The following NCKAP1L variants were observed in gnomAD, a reference collection of about 807,000 sequenced individuals.
NCKAP1L encodes nck-associated protein 1-like.
Under a neutral mutation model 139.2 loss-of-function variants are expected in NCKAP1L, and 53 were observed. The observed-to-expected ratio is 0.38, with a 90% CI of 0.31 to 0.48. The LOEUF (loss-of-function observed/expected upper bound fraction) is 0.48. Ranked by LOEUF, NCKAP1L falls within the 20% of genes least tolerant of loss-of-function variation. The pLI, the probability that NCKAP1L is intolerant of heterozygous loss-of-function variation, is 0.98. For synonymous variants in NCKAP1L, 468 were observed against 499.7 expected (o/e 0.94, Z 0.85); for missense variants, 1,151 against 1,381.9 (o/e 0.83, Z 2.65).
chr12:54,528,903 G>C (rs1342111523), intron 22 of NCKAP1L, among the ~76,000 whole-genome samples: 1 of 152,116 alleles, frequency 6.6e-6, no homozygotes, highest in African/African-American at 2.4e-5. Context: ...CCAAAGCGCT[G>C]GGATTACAGG....
intron 16 of NCKAP1L, among the ~76,000 whole-genome samples, chr12:54,520,182 G>C (rs71455279): frequency 0.073 from 11,077 of 152,206 alleles, 399 homozygotes; most frequent in African/African-American, 0.083. Context: ...ATACCTATAT[G>C]TGAAAAGGAC....
At chr12:54,498,399 TTGTGTGTGTGTGTG>T (rs766272206) in intron 1 of NCKAP1L, among the ~76,000 whole-genome samples, 1 of 142,296 alleles carries the variant, frequency 7.0e-6, no homozygotes, top group East Asian at 2.1e-4. Context: ...GCTGTGGTGG[TTGTGTGTGTGTGTG>T]TGTGTGTGTG....
rs1956763171 is a variant in NCKAP1L at position 54,497,821 on chromosome 12, T to C, written c.32T>C (p.Leu11Ser). The C allele has an allele frequency of 6.2e-7, 1 of 1,613,476 alleles. No individual in the cohort carries two copies. Among genetic ancestry groups the C allele is most frequent in the East Asian group, 2.2e-5 (1 of 44,884 alleles). Reference sequence around the variant, plus strand: ...TTGACATCTGCTTACCAGCATAAATTAGCAGAGAAGCTCACTATCCTGAAT... The same window carrying C: ...TTGACATCTGCTTACCAGCATAAATCAGCAGAGAAGCTCACTATCCTGAAT... The part of the protein sequence containing the change: MSLTSAYQHK[L>S]AEKLTILNDR... The change falls in exon 1 of 31, where the codon TTA becomes TCA. Residue 11 changes from leucine to serine, a missense_variant. Physicochemically the swap from Leu to Ser is moderately radical, Grantham distance 145. Transcript: ENST00000293373.
chr12:54,528,652 G>A (rs1957045023), intron 22 of NCKAP1L, among the ~76,000 whole-genome samples: 1 of 150,930 alleles, frequency 6.6e-6, no homozygotes, highest in South Asian at 2.1e-4. Flanking sequence ...TTGAGATGGA[G>A]TCTCGCTCTG....
At chr12:54,510,784 A>T (rs190484243) in intron 7 of NCKAP1L, among the ~76,000 whole-genome samples, 25 of 151,902 alleles carry the variant, frequency 1.6e-4, no homozygotes, top group African/African-American at 5.6e-4. Flanking sequence ...GGCCTCCCAA[A>T]GTGCTGGGAT....
At chr12:54,517,502 A>G (rs1253103770) in intron 11 of NCKAP1L, 31 bp from the exon 12 acceptor site, 2 of 1,479,458 alleles carry the variant, frequency 1.4e-6, no homozygotes, top group African/African-American at 2.8e-5. Flanking sequence ...TTTAAAGTTG[A>G]AAATTCTAAT....
chr12:54,518,985 T>G lies in NCKAP1L; in HGVS notation c.1479+13T>G, dbSNP rs548894291. On this transcript the variant is annotated intron_variant, in intron 15 of 30. Transcript: ENST00000293373. ...GTTCCGCCTACAGGTAATGATCTGT[T>G]CCTGTTAAAGATTCTCATCCTCAGA... is the stretch of plus-strand genomic sequence containing the variant. The G allele has an allele frequency of 6.2e-7, 1 of 1,607,434 alleles. No individual in the cohort carries two copies. The highest frequency in any genetic ancestry group is 1.1e-5 in the South Asian group (1 of 90,916).
Position 54,526,516 on chromosome 12 carries a change from T to G in NCKAP1L, c.2157-12T>G. The G allele has an allele frequency of 1.2e-6, 2 of 1,600,608 alleles. No homozygotes were observed. The highest frequency in any genetic ancestry group is 1.1e-5 in the South Asian group (1 of 90,714). ...GATTGTAATTCTAATTTTTTTTTTT[T>G]AAATCACCTAGAGCCATTGTGTGGC... is the stretch of plus-strand genomic sequence containing the variant. On this transcript the variant is annotated splice_polypyrimidine_tract_variant and intron_variant, in intron 20 of 30. Transcript: ENST00000293373.
intron 22 of NCKAP1L, among the ~76,000 whole-genome samples, chr12:54,530,166 G>A (rs1404851006): frequency 6.6e-6 from 1 of 152,210 alleles, no homozygotes; most frequent in East Asian, 1.9e-4. Flanking sequence ...CTTGAGTGTG[G>A]AGCCTTGACT....
At chr12:54,536,891 C>A in intron 28 of NCKAP1L, 53 bp from the exon 29 acceptor site, 1 of 1,328,384 alleles carries the variant, frequency 7.5e-7, no homozygotes, top group Non-Finnish European at 1.1e-6. Flanking sequence ...CCTGGAGTGG[C>A]TTACTTTGTC....
intron 10 of NCKAP1L, among the ~76,000 whole-genome samples, chr12:54,516,605 C>T (rs1415103844): frequency 6.6e-6 from 1 of 152,052 alleles, no homozygotes; most frequent in Admixed American, 6.6e-5. Context: ...ACCACCACGC[C>T]CAGCTAATTT....
Position 54,519,209 on chromosome 12 carries a change from C to A in NCKAP1L, c.1502C>A (p.Ala501Asp). The A allele has an allele frequency of 6.4e-7, 1 of 1,568,884 alleles. No homozygotes were observed. The highest frequency in any genetic ancestry group is 1.2e-5 in the South Asian group (1 of 82,648). The part of the protein sequence containing the change: ...RLQAYTSVAK[A>D]PLHLHENPDL... Reference sequence around the variant, plus strand: ...CAGGCATACACTAGCGTGGCTAAGGCCCCTCTGCACCTGCATGAGAACCCT... The same window carrying A: ...CAGGCATACACTAGCGTGGCTAAGGACCCTCTGCACCTGCATGAGAACCCT... Residue 501 changes from alanine to aspartate, a missense_variant, in exon 16 of 31, where the codon GCC (alanine) becomes GAC (aspartate). Ala to Asp is a moderately radical substitution (Grantham distance 126, BLOSUM62 -2). Transcript: ENST00000293373.
Position 54,546,558 on chromosome 12 carries a change from TCTC to T in NCKAP1L, c.*3875_*3877del, listed in dbSNP as rs1957199367. 1 of 152,004 alleles carries T rather than the reference TCTC, an allele frequency of 6.6e-6. No homozygotes were observed. Among genetic ancestry groups the T allele is most frequent in the African/African-American group, 2.4e-5 (1 of 41,352 alleles). The allele number at this position is 152,004 out of a possible 1,614,324, so 9.4% of individuals were successfully genotyped here. On this transcript the variant is annotated 3_prime_UTR_variant, in exon 31 of 31. Coordinates refer to ENST00000293373, the MANE Select transcript of NCKAP1L (RefSeq NM_005337.5). Reference sequence around the variant, plus strand: ...AGGTCCTCATGCTTATATTAGTTCTTCTCCAACAAAGTTTGACTTTGAGAAGAA... The same window carrying T: ...AGGTCCTCATGCTTATATTAGTTCTTCAACAAAGTTTGACTTTGAGAAGAA...
At position 54,520,705 on chromosome 12, in the gene NCKAP1L, G is replaced by A. The variant is rs184942472; in HGVS notation, c.1637G>A (p.Arg546His). 24 of 1,613,824 alleles carry A rather than the reference G, an allele frequency of 1.5e-5. No individual in the cohort carries two copies. In the South Asian group the frequency reaches 1.6e-4, roughly 11 times the overall value. The change falls in exon 17 of 31, where the codon CGT becomes CAT. Residue 546 changes from arginine (R) to histidine (H), a missense_variant. Transcript: ENST00000293373. ...CCGTTTCTCTGCAGCTTTCATCTTCGTATCTTTGAGAAGATGTTTGCCATG... is the reference window on the plus strand; with the variant it reads ...CCGTTTCTCTGCAGCTTTCATCTTCATATCTTTGAGAAGATGTTTGCCATG... ...SDLSTFCFHL[R>H]IFEKMFAMTL... is the part of the protein sequence containing the mutation.
chr12:54,497,785 C>T lies in NCKAP1L; in HGVS notation c.-5C>T, dbSNP rs368005166. The T allele has an allele frequency of 7.5e-6, 12 of 1,590,246 alleles. No homozygotes were observed. The highest frequency in any genetic ancestry group is 1.0e-5 in the Non-Finnish European group (12 of 1,158,430). ...CTGTCTGGTGCTCCTCTCTCAGTGG[C>T]CATCATGTCTTTGACATCTGCTTAC... On this transcript the variant is annotated 5_prime_UTR_variant, in exon 1 of 31. Transcript: ENST00000293373.
At chr12:54,504,973 T>G (rs1340115750) in intron 3 of NCKAP1L, among the ~76,000 whole-genome samples, 1 of 152,188 alleles carries the variant, frequency 6.6e-6, no homozygotes, top group Non-Finnish European at 1.5e-5. Flanking sequence ...GGAATTTGGG[T>G]GTAGGCTGGA....
intron 18 of NCKAP1L, among the ~76,000 whole-genome samples, chr12:54,523,148 A>G (rs1373925858): frequency 6.6e-6 from 1 of 152,204 alleles, no homozygotes; most frequent in Admixed American, 6.5e-5. Context: ...TGAGGCTCTG[A>G]TCCCAGAAAG....
At chr12:54,518,832 T>C (rs1956955766) in intron 14 of NCKAP1L, 82 bp from the exon 15 acceptor site, 2 of 1,506,818 alleles carry the variant, frequency 1.3e-6, no homozygotes, top group African/African-American at 1.4e-5. Flanking sequence ...CAAGATGTTT[T>C]TGAAGAGGAT....
Position 54,520,830 on chromosome 12 carries a change from G to C in NCKAP1L, c.1758+4G>C, listed in dbSNP as rs1956976533. The stretch of plus-strand genomic sequence containing the variant: ...TCATGAGATGTGCCCAGAGGAGGTA[G>C]GTATCCTGATCTCCAGACCCTGTCA... On this transcript the variant is annotated splice_donor_region_variant and intron_variant, in intron 17 of 30. Transcript: ENST00000293373. The C allele has an allele frequency of 6.2e-7, 1 of 1,614,060 alleles. No homozygotes were observed. Among genetic ancestry groups the C allele is most frequent in the Non-Finnish European group, 8.5e-7 (1 of 1,180,006 alleles).
Sources: gnomAD v4.1 joint callset for allele counts (sites outside exome capture counted in the v4.1 genomes callset) on GRCh38, gnomAD v4.1.1 for gene constraint, MANE v1.5 for transcripts, NCBI Gene and HGNC (gene_info 2026-07-23, HGNC 2026-07-21) for gene names.